Variants in NHSL2 observed in about 807,000 individuals in gnomAD.
NHSL2 encodes NHS-like protein 2.
In NHSL2, 27 loss-of-function variants were observed where a neutral mutation model predicts 53.4. The ratio of observed to expected loss-of-function variants is 0.51; its 90% CI spans 0.37 to 0.70. The LOEUF (loss-of-function observed/expected upper bound fraction) is 0.70, where lower values mean the gene tolerates loss of function less well. Among genes scored for constraint, NHSL2 ranks in the 30% least tolerant of loss-of-function variants. NHSL2 has a pLI of 0.00. For synonymous variants in NHSL2, 408 were observed against 404.1 expected (o/e 1.01, Z -0.12); for missense variants, 892 against 980.1 (o/e 0.91, Z 1.20).
At chrX:72,072,929 C>T (rs1569477621) in intron 1 of NHSL2, among the ~76,000 whole-genome samples, 1 of 111,813 alleles carries the variant, frequency 8.9e-6, no homozygotes, top group South Asian at 3.7e-4. Context: ...CTCTCTTACC[C>T]AGTAACCTGC....
intron 1 of NHSL2, among the ~76,000 whole-genome samples, chrX:72,002,725 C>T (rs1214485946): frequency 8.9e-6 from 1 of 111,906 alleles, no homozygotes; most frequent in African/African-American, 3.3e-5. Context: ...GGAGCTTCCC[C>T]TGAGGCTCTC....
At chrX:72,141,443 C>T in intron 6 of NHSL2, 1 of 119,678 alleles carries the variant, frequency 8.4e-6, no homozygotes, top group Non-Finnish European at 1.9e-5. Context: ...GTGTGCAGTT[C>T]ATTCGTGTTA....
intron 1 of NHSL2, among the ~76,000 whole-genome samples, chrX:72,038,982 G>T (rs925822867): frequency 6.3e-5 from 7 of 111,395 alleles, no homozygotes; most frequent in Non-Finnish European, 9.4e-5. Flanking sequence ...AAGTGGATTG[G>T]CTGCCCAAAG....
intron 1 of NHSL2, among the ~76,000 whole-genome samples, chrX:72,039,025 C>CTTTCCTTTCCTTCCCTTCCCT (rs2042256555): frequency 9.0e-6 from 1 of 110,657 alleles, no homozygotes; most frequent in East Asian, 2.8e-4. Context: ...TTCTCCTCTG[C>CTTTCCTTTCCTTCCCTTCCCT]TTTCCTTTCC....
At chrX:72,051,602 C>A (rs2042340926) in intron 1 of NHSL2, among the ~76,000 whole-genome samples, 1 of 111,236 alleles carries the variant, frequency 9.0e-6, no homozygotes, top group Non-Finnish European at 1.9e-5. Flanking sequence ...ACCTCACTGC[C>A]AGATCAACCC....
In NHSL2 at chrX:71,911,020, G is replaced by C; in HGVS notation, c.-68G>C. Reference sequence around the variant, plus strand: ...CCGCCGCTCAGGGGCGCTCGGGCCAGGGGCGCTGCTCGGGGTGAGCCCGCC... The same window carrying C: ...CCGCCGCTCAGGGGCGCTCGGGCCACGGGCGCTGCTCGGGGTGAGCCCGCC... On this transcript the variant is annotated 5_prime_UTR_variant, in exon 1 of 8. Coordinates refer to ENST00000633930, the MANE Select transcript of NHSL2 (RefSeq NM_001013627.3). 1 of 887,070 alleles carries C rather than the reference G, an allele frequency of 1.1e-6. No homozygotes were observed. Among genetic ancestry groups the C allele is most frequent in the East Asian group, 4.5e-5 (1 of 22,373 alleles). 73.1% of individuals were successfully genotyped at this position (887,070 alleles called of 1,213,427 possible).
At chrX:71,948,165 A>G (rs2041801908) in intron 1 of NHSL2, among the ~76,000 whole-genome samples, 1 of 112,579 alleles carries the variant, frequency 8.9e-6, no homozygotes, top group East Asian at 2.8e-4. Flanking sequence ...GAAGAAGAAC[A>G]TGGAGTCTGT....
intron 1 of NHSL2, among the ~76,000 whole-genome samples, chrX:71,929,843 C>A (rs1048577731): frequency 9.0e-6 from 1 of 110,686 alleles, no homozygotes; most frequent in Non-Finnish European, 1.9e-5. Flanking sequence ...CAGCCTCAAC[C>A]TCCCAGGCTC....
At chrX:72,134,803 C>A (rs1166089279) in intron 4 of NHSL2, 99 bp downstream of exon 4, 6 of 634,682 alleles carry the variant, frequency 9.5e-6, no homozygotes, top group South Asian at 8.5e-5. Flanking sequence ...GTGAGACTTT[C>A]TTTGCTACCG....
rs2042295662 is a variant in NHSL2 at position 72,044,710 on chromosome X, G to A, written c.281-87369G>A. The A allele has an allele frequency of 5.5e-6, 6 of 1,082,223 alleles. No homozygotes were observed. In the Admixed American group the frequency reaches 8.7e-5, roughly 16 times the overall value. 89.2% of individuals were successfully genotyped at this position (1,082,223 alleles called of 1,213,427 possible). On this transcript the variant is annotated intron_variant, in intron 1 of 7. Coordinates refer to ENST00000633930, the MANE Select transcript of NHSL2 (RefSeq NM_001013627.3). ...CGCAGCAGTCAGGGACATTTCTGAAGTGAGCGTCTTCGATGCCTATGTGCT... is the reference window on the plus strand; with the variant it reads ...CGCAGCAGTCAGGGACATTTCTGAAATGAGCGTCTTCGATGCCTATGTGCT...
chrX:72,066,021 G>C (rs2042427310), intron 1 of NHSL2, among the ~76,000 whole-genome samples: 1 of 111,846 alleles, frequency 8.9e-6, no homozygotes, highest in Admixed American at 9.5e-5. Context: ...CCAAGCAATG[G>C]AGTGATGTGG....
Position 72,134,668 on chromosome X carries a change from T to G in NHSL2, c.724T>G (p.Ser242Ala). The change falls in exon 4 of 8, where the codon TCC becomes GCC. Residue 242 changes from serine to alanine, a missense_variant. Coordinates refer to ENST00000633930, the MANE Select transcript of NHSL2 (RefSeq NM_001013627.3). ...GGAGAAGCGGTGGCCTCAGCTTTGC[T>G]CCACGCAGTCTGACATTGTGCCCAT... The part of the protein sequence containing the change: ...LEEKRWPQLC[S>A]TQSDIVPINI... 1 of 1,167,116 alleles carries G rather than the reference T, an allele frequency of 8.6e-7. No homozygotes were observed. Among genetic ancestry groups the G allele is most frequent in the East Asian group, 3.2e-5 (1 of 30,792 alleles).
At chrX:72,131,346 C>A in intron 1 of NHSL2, 1 of 1,205,846 alleles carries the variant, frequency 8.3e-7, no homozygotes, top group Non-Finnish European at 1.1e-6. Context: ...AGTTCTCCTC[C>A]GCAAGGACGG....
chrX:71,920,950 A>G lies in NHSL2; in HGVS notation c.280+9583A>G, dbSNP rs186217350. Among the ~76,000 whole-genome samples the G allele has an allele frequency of 4.6e-3, 495 of 108,394 alleles. 3 individuals are homozygous for G. Among genetic ancestry groups the G allele is most frequent in the African/African-American group, 0.016 (466 of 29,933 alleles). The allele number at this position is 108,394 out of a possible 115,157, so 94.1% of individuals were successfully genotyped here. A position where few individuals can be genotyped will look rare whatever the true frequency, so the allele number is the denominator to read the frequency against. On this transcript the variant is annotated intron_variant, in intron 1 of 7. Transcript: ENST00000633930. ...TTCCTAAGTAGCTGGGATTACAGGTACCCGCCACCATGCCCGGCTAATTTT... is the reference window on the plus strand; with the variant it reads ...TTCCTAAGTAGCTGGGATTACAGGTGCCCGCCACCATGCCCGGCTAATTTT...
chrX:72,027,967 G>A (rs1432487694), intron 1 of NHSL2, among the ~76,000 whole-genome samples: 1 of 111,901 alleles, frequency 8.9e-6, no homozygotes, highest in Non-Finnish European at 1.9e-5. Context: ...GGAGTGTGAG[G>A]TGTTGAGTTT....
intron 1 of NHSL2, among the ~76,000 whole-genome samples, chrX:72,116,343 A>G (rs765121326): frequency 6.2e-5 from 7 of 112,292 alleles, no homozygotes; most frequent in African/African-American, 2.3e-4. Flanking sequence ...GTGATTTGAT[A>G]AGTAAAAAAA....
chrX:71,983,965 A>G (rs1342457613), intron 1 of NHSL2, among the ~76,000 whole-genome samples: 1 of 111,330 alleles, frequency 9.0e-6, no homozygotes, highest in African/African-American at 3.3e-5. Context: ...TGCTGTGACT[A>G]AGAAGGCCTA....
chrX:71,989,206 G>A (rs1032255285), intron 1 of NHSL2, among the ~76,000 whole-genome samples: 5 of 109,638 alleles, frequency 4.6e-5, no homozygotes, highest in African/African-American at 6.7e-5. Flanking sequence ...AAAATTAGCC[G>A]GGCGTGGTGG....
chrX:72,073,161 G>A (rs2041714224), intron 1 of NHSL2, among the ~76,000 whole-genome samples: 1 of 112,095 alleles, frequency 8.9e-6, no homozygotes, highest in African/African-American at 3.3e-5. Flanking sequence ...GGAGCCAGAA[G>A]TAAGCCCCAC....
Sources: allele counts gnomAD v4.1 joint callset (sites outside exome capture counted in the v4.1 genomes callset), GRCh38; gene constraint gnomAD v4.1.1; transcripts MANE v1.5; gene names NCBI Gene and HGNC (gene_info 2026-07-23, HGNC 2026-07-21).